Variants in RCOR1 observed in about 807,000 individuals in gnomAD.
RCOR1 encodes the protein REST corepressor.
In RCOR1, 12 loss-of-function variants were observed where a neutral mutation model predicts 64.0. The ratio of observed to expected loss-of-function variants is 0.19; its 90% CI spans 0.12 to 0.30. The LOEUF is 0.30. Ranked by LOEUF, RCOR1 falls within the 10% of genes least tolerant of loss-of-function variation. The probability of loss-of-function intolerance (pLI) is 1.00; values close to 1 mark genes in which losing one functional copy is unlikely to be tolerated. For synonymous variants in RCOR1, 279 were observed against 227.2 expected (o/e 1.23, Z -2.05); for missense variants, 502 against 621.2 (o/e 0.81, Z 2.04).
At position 102,696,711 on chromosome 14, in the gene RCOR1, T is replaced by C. The variant is rs78383860; in HGVS notation, c.446-4567T>C. ...GAAAAGTCCCCACGGATCCCTCTTT[T>C]CTTTAAGAGCAGTTTTTTGTAGGTA... On this transcript the variant is annotated intron_variant, in intron 3 of 11. Coordinates refer to ENST00000262241, the MANE Select transcript of RCOR1 (RefSeq NM_015156.4). Among the ~76,000 whole-genome samples the C allele has an allele frequency of 4.2e-3, 639 of 152,268 alleles. 7 individuals carry two copies. The highest frequency in any genetic ancestry group is 0.015 in the African/African-American group (608 of 41,542).
At chr14:102,725,267 C>T (rs973002958) in intron 11 of RCOR1, among the ~76,000 whole-genome samples, 2 of 152,208 alleles carry the variant, frequency 1.3e-5, no homozygotes, top group African/African-American at 4.8e-5. Context: ...AAGGAACAAT[C>T]ACTTTGCGAT....
rs773257912 is a variant in RCOR1 at position 102,634,035 on chromosome 14, G to A, written c.361+40710G>A. ...CGTAATTGTGCCTCAAGGAGGTAGG[G>A]TGAGGCTTTCTGTCTTTCCTGAAAC... On this transcript the variant is annotated intron_variant, in intron 2 of 11. Transcript: ENST00000262241. Among the ~76,000 whole-genome samples, 189 of 152,122 alleles carry A rather than the reference G, an allele frequency of 1.2e-3. 2 individuals are homozygous for A. Among genetic ancestry groups the A allele is most frequent in the Non-Finnish European group, 3.8e-4 (26 of 68,034 alleles).
At chr14:102,597,018 G>A (rs1893266135) in intron 2 of RCOR1, among the ~76,000 whole-genome samples, 1 of 151,660 alleles carries the variant, frequency 6.6e-6, no homozygotes, top group South Asian at 2.1e-4. Flanking sequence ...AACTACAGGT[G>A]CGTGCCACCA....
intron 2 of RCOR1, among the ~76,000 whole-genome samples, chr14:102,616,930 G>A (rs1417562714): frequency 6.6e-6 from 1 of 152,182 alleles, no homozygotes; most frequent in South Asian, 2.1e-4. Flanking sequence ...GTCATCCTAA[G>A]CTAACAAACG....
chr14:102,683,401 C>T (rs564175312), intron 3 of RCOR1, among the ~76,000 whole-genome samples: 225 of 152,222 alleles, frequency 1.5e-3, no homozygotes, highest in Non-Finnish European at 2.5e-3. Context: ...AGAAAAGAAC[C>T]GGCCAGAAAA....
intron 2 of RCOR1, among the ~76,000 whole-genome samples, chr14:102,602,108 G>A (rs1008067613): frequency 6.6e-6 from 1 of 151,400 alleles, no homozygotes; most frequent in African/African-American, 2.4e-5. Flanking sequence ...GCAGTGAGCC[G>A]AGGTTGTGCC....
At position 102,729,615 on chromosome 14, in the gene RCOR1, G is replaced by C. The variant is rs937743181; in HGVS notation, c.*3109G>C. 1.1e-5 allele frequency: 4 copies of C among 376,776 alleles called. No individual in the cohort carries two copies. In the Admixed American group the frequency reaches 1.8e-4, roughly 17 times the overall value. 23.3% of individuals were successfully genotyped at this position (376,776 alleles called of 1,614,324 possible). ...TAGTTGGGTTGTAACAGCTTACTGG[G>C]GTGGACTCATAAAACAGTGGCTTTC... is the stretch of plus-strand genomic sequence containing the variant. On this transcript the variant is annotated 3_prime_UTR_variant, in exon 12 of 12. Coordinates refer to ENST00000262241, the MANE Select transcript of RCOR1 (RefSeq NM_015156.4).
At chr14:102,674,427 A>G (rs1038976595) in intron 2 of RCOR1, among the ~76,000 whole-genome samples, 1 of 152,246 alleles carries the variant, frequency 6.6e-6, no homozygotes, top group African/African-American at 2.4e-5. Flanking sequence ...GTTTATACAC[A>G]TACTTAATGA....
chr14:102,602,394 CTTTTTT>C (rs66743592), intron 2 of RCOR1, among the ~76,000 whole-genome samples: 8 of 104,218 alleles, frequency 7.7e-5, no homozygotes, highest in Admixed American at 1.1e-4. Flanking sequence ...CTTTTCTTTT[CTTTTTT>C]TTTTTTTTTT....
At chr14:102,706,793 G>T (rs894163874) in intron 4 of RCOR1, among the ~76,000 whole-genome samples, 5 of 151,818 alleles carry the variant, frequency 3.3e-5, no homozygotes, top group African/African-American at 1.2e-4. Context: ...CTGCACTCCA[G>T]CCTGGGTGAC....
At chr14:102,673,384 T>C (rs1269669646) in intron 2 of RCOR1, among the ~76,000 whole-genome samples, 1 of 151,368 alleles carries the variant, frequency 6.6e-6, no homozygotes, top group Non-Finnish European at 1.5e-5. Flanking sequence ...TGGCCCAGGC[T>C]GGAGTGCACT....
At chr14:102,710,255 T>C (rs942883568) in intron 6 of RCOR1, among the ~76,000 whole-genome samples, 3 of 152,264 alleles carry the variant, frequency 2.0e-5, no homozygotes, top group Non-Finnish European at 4.4e-5. Context: ...ACTTGACTTC[T>C]GTAGACTTAG....
chr14:102,615,675 C>T (rs143829723), intron 2 of RCOR1, among the ~76,000 whole-genome samples: 2 of 152,012 alleles, frequency 1.3e-5, no homozygotes, highest in African/African-American at 2.4e-5. Context: ...CTCCAACTCC[C>T]GACCTCAGAT....
At chr14:102,714,734 G>A (rs964333380) in intron 8 of RCOR1, 117 bp downstream of exon 8, 56 of 773,154 alleles carry the variant, frequency 7.2e-5, no homozygotes, top group Middle Eastern at 5.9e-4. Flanking sequence ...ATTTTGTTTC[G>A]AAGGAATTGG....
chr14:102,665,906 A>G (rs564255846), intron 2 of RCOR1, among the ~76,000 whole-genome samples: 1 of 152,358 alleles, frequency 6.6e-6, no homozygotes, highest in South Asian at 2.1e-4. Context: ...AGCCATTAAT[A>G]GTAGTTACTG....
intron 2 of RCOR1, among the ~76,000 whole-genome samples, chr14:102,607,219 CA>C (rs1893529817): frequency 6.6e-6 from 1 of 152,096 alleles, no homozygotes; most frequent in Non-Finnish European, 1.5e-5. Flanking sequence ...AGGCGTGAGC[CA>C]CCGCGCCCGG....
chr14:102,696,599 G>T (rs1046102700), intron 3 of RCOR1, among the ~76,000 whole-genome samples: 1 of 152,144 alleles, frequency 6.6e-6, no homozygotes, highest in African/African-American at 2.4e-5. Context: ...TACTTCATGA[G>T]TCCCTGCCCT....
intron 2 of RCOR1, among the ~76,000 whole-genome samples, chr14:102,634,871 A>ATTTT (rs757143284): frequency 7.3e-6 from 1 of 137,490 alleles, no homozygotes; most frequent in African/African-American, 2.7e-5. Context: ...TAATTTTTGT[A>ATTTT]TTTTTTTTTT....
In RCOR1 at chr14:102,645,112, A is replaced by C. The variant is rs184426075; in HGVS notation, c.362-36783A>C. Among the ~76,000 whole-genome samples, 481 of 152,310 alleles carry C rather than the reference A, an allele frequency of 3.2e-3. 6 individuals are homozygous for C. Among genetic ancestry groups the C allele is most frequent in the African/African-American group, 0.011 (464 of 41,556 alleles). On this transcript the variant is annotated intron_variant, in intron 2 of 11. Coordinates refer to ENST00000262241, the MANE Select transcript of RCOR1 (RefSeq NM_015156.4). ...CAATTTGTAACCTACTACATTAGACAGGAACCACACTTAGCCTGTTTGTGG... is the reference window on the plus strand; with the variant it reads ...CAATTTGTAACCTACTACATTAGACCGGAACCACACTTAGCCTGTTTGTGG...
Sources: allele counts gnomAD v4.1 joint callset (sites outside exome capture counted in the v4.1 genomes callset), GRCh38; gene constraint gnomAD v4.1.1; transcripts MANE v1.5; gene names NCBI Gene and HGNC (gene_info 2026-07-23, HGNC 2026-07-21).